The following PRR16 variants were observed in gnomAD, a reference collection of about 807,000 sequenced individuals.
PRR16 encodes the protein proline rich 16, also known as protein Largen.
Under a neutral mutation model 18.2 loss-of-function variants are expected in PRR16, and 6 were observed. The ratio of observed to expected loss-of-function variants is 0.33; its 90% CI spans 0.18 to 0.65. The LOEUF is 0.65. Ranked by LOEUF, PRR16 falls within the 30% of genes least tolerant of loss-of-function variation. The probability of loss-of-function intolerance (pLI) is 0.74; values close to 1 mark genes in which losing one functional copy is unlikely to be tolerated. For synonymous variants in PRR16, 151 were observed against 147.8 expected (o/e 1.02, Z -0.16); for missense variants, 412 against 376.6 (o/e 1.09, Z -0.78).
intron 1 of PRR16, among the ~76,000 whole-genome samples, chr5:120,659,007 T>A (rs1214845817): frequency 6.6e-6 from 1 of 151,878 alleles, no homozygotes; most frequent in Non-Finnish European, 1.5e-5. Flanking sequence ...GTTTTCTCTT[T>A]CTCTCTCACC....
the PRR16 span, among the ~76,000 whole-genome samples, chr5:120,741,092 T>C: frequency 1.3e-5 from 2 of 152,052 alleles, no homozygotes; most frequent in African/African-American, 4.8e-5. Flanking sequence ...TCTGATATTT[T>C]ATGCTGCAAA....
the PRR16 span, among the ~76,000 whole-genome samples, chr5:120,740,545 T>C: frequency 2.0e-5 from 3 of 152,282 alleles, no homozygotes; most frequent in South Asian, 6.2e-4. Flanking sequence ...CATGTGTGGG[T>C]CTATTTCTGC....
intron 1 of PRR16, among the ~76,000 whole-genome samples, chr5:120,669,703 A>G (rs1185515355): frequency 6.6e-6 from 1 of 152,050 alleles, no homozygotes; most frequent in Non-Finnish European, 1.5e-5. Context: ...AAACGTCACA[A>G]TTGTTTCACC....
At chr5:120,496,194 A>G (rs373213639) in intron 1 of PRR16, among the ~76,000 whole-genome samples, 1 of 152,028 alleles carries the variant, frequency 6.6e-6, no homozygotes, top group African/African-American at 2.4e-5. Context: ...TTTGGTAAAA[A>G]CAATTGATAA....
intron 1 of PRR16, among the ~76,000 whole-genome samples, chr5:120,673,796 C>A (rs1561608807): frequency 2.0e-5 from 3 of 150,238 alleles, no homozygotes; most frequent in African/African-American, 4.9e-5. Context: ...AAATAAAAAA[C>A]AAAAAAAAAT....
At chr5:120,646,221 T>A (rs1484605860) in intron 1 of PRR16, among the ~76,000 whole-genome samples, 3 of 151,696 alleles carry the variant, frequency 2.0e-5, no homozygotes, top group African/African-American at 7.3e-5. Context: ...TCAGTCACCT[T>A]ATTTATAGAA....
At chr5:120,764,643 G>A in the PRR16 span, among the ~76,000 whole-genome samples, 1 of 151,694 alleles carries the variant, frequency 6.6e-6, no homozygotes, top group Admixed American at 6.6e-5. Flanking sequence ...TCAAGGAAAA[G>A]ATTAAATTTT....
At chr5:120,594,805 A>T (rs994614283) in intron 1 of PRR16, among the ~76,000 whole-genome samples, 1 of 151,956 alleles carries the variant, frequency 6.6e-6, no homozygotes, top group African/African-American at 2.4e-5. Flanking sequence ...ATAATGCTGC[A>T]TACCTAAAGC....
chr5:120,649,585 G>A (rs1752574142), intron 1 of PRR16, among the ~76,000 whole-genome samples: 1 of 152,130 alleles, frequency 6.6e-6, no homozygotes, highest in South Asian at 2.1e-4. Context: ...TGGCCATTTG[G>A]AAGCTGGTTT....
chr5:120,757,895 T>C, the PRR16 span, among the ~76,000 whole-genome samples: 125 of 152,230 alleles, frequency 8.2e-4, no homozygotes, highest in African/African-American at 3.0e-3. Context: ...AACCATTCTA[T>C]GAAGATTTTG....
At chr5:120,615,658 C>A (rs1195718543) in intron 1 of PRR16, among the ~76,000 whole-genome samples, 2 of 151,860 alleles carry the variant, frequency 1.3e-5, no homozygotes, top group African/African-American at 2.4e-5. Flanking sequence ...AAAATTAATA[C>A]TGTATGATAA....
intron 1 of PRR16, among the ~76,000 whole-genome samples, chr5:120,544,110 T>C (rs1752000724): frequency 6.6e-6 from 1 of 152,126 alleles, no homozygotes; most frequent in Non-Finnish European, 1.5e-5. Flanking sequence ...CAAATACAAA[T>C]GCTTGAAGTT....
At chr5:120,717,353 T>C in the PRR16 span, among the ~76,000 whole-genome samples, 659 of 152,324 alleles carry the variant, frequency 4.3e-3, 9 homozygotes, top group African/African-American at 0.015. Flanking sequence ...GCATATATTT[T>C]AGTTCTGATC....
At chr5:120,648,948 G>A (rs1301441915) in intron 1 of PRR16, among the ~76,000 whole-genome samples, 2 of 152,100 alleles carry the variant, frequency 1.3e-5, no homozygotes, top group Admixed American at 1.3e-4. Context: ...TCAAGACCAT[G>A]GATAATAGTA....
chr5:120,576,770 C>G (rs1027652920), intron 1 of PRR16, among the ~76,000 whole-genome samples: 2 of 152,044 alleles, frequency 1.3e-5, no homozygotes, highest in Admixed American at 1.3e-4. Flanking sequence ...CACCATCAAG[C>G]TCTCCTGGCT....
At chr5:120,523,253 A>G (rs1947461) in intron 1 of PRR16, among the ~76,000 whole-genome samples, 62,869 of 151,890 alleles carry the variant, frequency 0.41, 14,369 homozygotes, top group African/African-American at 0.61. Context: ...ATAGCTCAAC[A>G]CTGGTGTTAT....
At chr5:120,685,008 T>A (rs1757077665) in intron 1 of PRR16, among the ~76,000 whole-genome samples, 1 of 152,140 alleles carries the variant, frequency 6.6e-6, no homozygotes, top group South Asian at 2.1e-4. Flanking sequence ...CTGCTTTGTA[T>A]TAGTTTAGGG....
intron 1 of PRR16, among the ~76,000 whole-genome samples, chr5:120,619,559 A>T (rs917711912): frequency 6.6e-6 from 1 of 152,114 alleles, no homozygotes; most frequent in African/African-American, 2.4e-5. Context: ...TTGTCACTCA[A>T]AATGGTTTGT....
intron 1 of PRR16, among the ~76,000 whole-genome samples, chr5:120,473,311 CT>C (rs1352107479): frequency 6.6e-6 from 1 of 152,030 alleles, no homozygotes; most frequent in African/African-American, 2.4e-5. Flanking sequence ...TTGGGGTTAT[CT>C]TTTGTTTTAA....
Sources: gnomAD v4.1 joint callset for allele counts (sites outside exome capture counted in the v4.1 genomes callset) on GRCh38, gnomAD v4.1.1 for gene constraint, MANE v1.5 for transcripts, NCBI Gene and HGNC (gene_info 2026-07-23, HGNC 2026-07-21) for gene names.